The following ULK4 variants were observed in gnomAD, a reference collection of about 807,000 sequenced individuals.
The protein encoded by ULK4 is unc-51 like kinase 4.
Under a neutral mutation model 160.6 loss-of-function variants are expected in ULK4, and 133 were observed. That is an observed-to-expected ratio of 0.83 (90% confidence interval 0.72 to 0.96). The LOEUF is 0.96. Ranked by LOEUF, ULK4 falls within the 40% of genes least tolerant of loss-of-function variation. The pLI is 0.00. For synonymous variants in ULK4, 534 were observed against 539.8 expected (o/e 0.99, Z 0.15); for missense variants, 1,580 against 1,499.5 (o/e 1.05, Z -0.89).
rs1167113533 is a variant in ULK4, at chr3:41,398,120, G to C, written c.3637C>G (p.Pro1213Ala). 1 of 1,613,194 alleles carries C rather than the reference G, an allele frequency of 6.2e-7. No individual in the cohort carries two copies. The highest frequency in any genetic ancestry group is 1.1e-5 in the South Asian group (1 of 91,014). Residue 1213 changes from proline to alanine, a missense_variant, in exon 35 of 37, where the codon CCA (proline) becomes GCA (alanine). By Grantham distance (27) the Pro-to-Ala change is conservative (BLOSUM62 -1). Transcript: ENST00000301831. ...FAHLLTSKED[P>A]KEQKLLLRIL... ...CTTAACAGAAGCTTCTGCTCCTTTG[G>C]GTCCTCCTTGGATGTCAGTAAATGA...
At chr3:41,874,561 A>G (rs1697228094) in intron 17 of ULK4, among the ~76,000 whole-genome samples, 1 of 152,244 alleles carries the variant, frequency 6.6e-6, no homozygotes, top group Non-Finnish European at 1.5e-5. Flanking sequence ...TAAATTTTTC[A>G]AATTAAATTA....
At chr3:41,744,664 GA>G (rs1020352597) in intron 22 of ULK4, among the ~76,000 whole-genome samples, 1 of 151,734 alleles carries the variant, frequency 6.6e-6, no homozygotes, top group Non-Finnish European at 1.5e-5. Context: ...ATATTAGAAA[GA>G]AAAACAGTAA....
intron 22 of ULK4, among the ~76,000 whole-genome samples, chr3:41,730,713 C>A (rs1474023179): frequency 1.3e-5 from 2 of 152,158 alleles, no homozygotes; most frequent in Non-Finnish European, 2.9e-5. Flanking sequence ...TAATCCTTTT[C>A]AAAGTACTCC....
At chr3:41,928,234 C>G (rs1012708508) in intron 5 of ULK4, among the ~76,000 whole-genome samples, 2 of 152,132 alleles carry the variant, frequency 1.3e-5, no homozygotes, top group African/African-American at 4.8e-5. Context: ...ACTGAACAAC[C>G]TGCTCCTGAA....
intron 35 of ULK4, among the ~76,000 whole-genome samples, chr3:41,281,087 C>T (rs1353872636): frequency 3.3e-5 from 5 of 151,972 alleles, no homozygotes; most frequent in African/African-American, 1.2e-4. Context: ...ACACATACAC[C>T]CTCCCAAGAC....
intron 35 of ULK4, among the ~76,000 whole-genome samples, chr3:41,282,636 T>G (rs1448781826): frequency 6.6e-6 from 1 of 152,172 alleles, no homozygotes; most frequent in Non-Finnish European, 1.5e-5. Context: ...TTACACCTTA[T>G]ACAAAAATTA....
intron 5 of ULK4, among the ~76,000 whole-genome samples, chr3:41,930,208 C>G (rs1699544382): frequency 6.6e-6 from 1 of 151,944 alleles, no homozygotes; most frequent in Non-Finnish European, 1.5e-5. Context: ...TTTGACAAAC[C>G]TGACAAAAAC....
intron 17 of ULK4, among the ~76,000 whole-genome samples, chr3:41,856,512 AATAT>A (rs376773321): frequency 0.082 from 8,144 of 99,076 alleles, 1,026 homozygotes; most frequent in African/African-American, 0.27. Flanking sequence ...TAAATAAATA[AATAT>A]ATATATATAT....
chr3:41,571,038 C>T (rs1414344507), intron 31 of ULK4, among the ~76,000 whole-genome samples: 1 of 152,168 alleles, frequency 6.6e-6, no homozygotes, highest in Admixed American at 6.5e-5. Flanking sequence ...GAAACTGTTC[C>T]ACTTCTATTC....
At chr3:41,686,834 T>A (rs140851036) in intron 27 of ULK4, among the ~76,000 whole-genome samples, 1 of 152,094 alleles carries the variant, frequency 6.6e-6, no homozygotes, top group Non-Finnish European at 1.5e-5. Context: ...TCAGGAAAAA[T>A]GTGTTCTTTT....
At chr3:41,649,105 G>A (rs2034631002) in intron 30 of ULK4, among the ~76,000 whole-genome samples, 1 of 151,752 alleles carries the variant, frequency 6.6e-6, no homozygotes, top group Non-Finnish European at 1.5e-5. Flanking sequence ...TCCAGCCTGG[G>A]TGACAGAGTG....
chr3:41,813,031 C>A (rs1335887880), intron 19 of ULK4, among the ~76,000 whole-genome samples: 1 of 152,100 alleles, frequency 6.6e-6, no homozygotes, highest in African/African-American at 2.4e-5. Context: ...TTTTAGCTTA[C>A]ATAATAGTCT....
chr3:41,471,213 A>G (rs1452621903), intron 32 of ULK4, among the ~76,000 whole-genome samples: 1 of 152,180 alleles, frequency 6.6e-6, no homozygotes, highest in Non-Finnish European at 1.5e-5. Context: ...TTTATATAAA[A>G]CAAAACAGAC....
At chr3:41,475,356 T>A (rs990771942) in intron 32 of ULK4, among the ~76,000 whole-genome samples, 24 of 152,280 alleles carry the variant, frequency 1.6e-4, no homozygotes, top group African/African-American at 5.5e-4. Flanking sequence ...AATGTGGAGA[T>A]GATGGTCAAA....
chr3:41,649,705 T>C (rs1007566100), intron 30 of ULK4, among the ~76,000 whole-genome samples: 2 of 152,278 alleles, frequency 1.3e-5, no homozygotes, highest in East Asian at 1.9e-4. Flanking sequence ...GGCACAGGCC[T>C]ACAGGTGCCC....
In ULK4 at chr3:41,434,418, G is replaced by T. The variant is rs192781753; in HGVS notation, c.3492+21079C>A. ...ACTATGATTTCATTATATAAAAGGG[G>T]CATATATACATTTATTTATACCCAC... On this transcript the variant is annotated intron_variant, in intron 34 of 36. Transcript: ENST00000301831. Among the ~76,000 whole-genome samples the T allele has an allele frequency of 5.3e-5, 8 of 152,182 alleles. No individual in the cohort carries two copies. The East Asian group carries it at 1.4e-3, about 26-fold the overall frequency.
intron 31 of ULK4, 118 bp from the exon 32 acceptor site, chr3:41,566,248 T>C (rs2087779080): frequency 2.5e-6 from 2 of 799,520 alleles, no homozygotes; most frequent in Non-Finnish European, 2.0e-6. Flanking sequence ...AATGATTACC[T>C]TTTTGCACTT....
At position 41,371,765 on chromosome 3, in the gene ULK4, T is replaced by C. The variant is rs575809217; in HGVS notation, c.3678+26314A>G. Among the ~76,000 whole-genome samples, 113 of 151,724 alleles carry C rather than the reference T, an allele frequency of 7.4e-4. 1 individual carries two copies. Among genetic ancestry groups the C allele is most frequent in the South Asian group, 1.5e-3 (7 of 4,798 alleles). On this transcript the variant is annotated intron_variant, in intron 35 of 36. Transcript: ENST00000301831. ...CCAAATGATCATAACTCCTCGCCAG[T>C]GAGGAAACAAAACTGGATGGAGAAC... is the stretch of plus-strand genomic sequence containing the variant.
chr3:41,921,473 G>A (rs1699179696), intron 5 of ULK4, among the ~76,000 whole-genome samples: 1 of 151,986 alleles, frequency 6.6e-6, no homozygotes, highest in Non-Finnish European at 1.5e-5. Context: ...AAATTAGCCA[G>A]GCATGGTGGC....
Sources: allele counts gnomAD v4.1 joint callset (sites outside exome capture counted in the v4.1 genomes callset), GRCh38; gene constraint gnomAD v4.1.1; transcripts MANE v1.5; gene names NCBI Gene and HGNC (gene_info 2026-07-23, HGNC 2026-07-21).